The following DAB1 variants were observed in gnomAD, a reference collection of about 807,000 sequenced individuals.
DAB1 encodes the protein disabled homolog 1.
In DAB1, 15 loss-of-function variants were observed where a neutral mutation model predicts 64.6. That is an observed-to-expected ratio of 0.23 (90% CI 0.16 to 0.36). The LOEUF (loss-of-function observed/expected upper bound fraction) is 0.36. DAB1 is among the 10% of genes least tolerant of loss of function. The pLI is 1.00. For synonymous variants in DAB1, 235 were observed against 251.9 expected, an observed-to-expected ratio of 0.93 and a Z score of 0.64; for missense variants, 596 against 706.7, an observed-to-expected ratio of 0.84 and a Z score of 1.78.
intron 4 of DAB1, among the ~76,000 whole-genome samples, chr1:57,083,258 C>A (rs1232111990): frequency 1.3e-5 from 2 of 152,192 alleles, no homozygotes; most frequent in African/African-American, 4.8e-5. Flanking sequence ...TGGACTGCTG[C>A]CAGGTATGGC....
chr1:58,440,475 C>A (rs182010491), intron 3 of DAB1, among the ~76,000 whole-genome samples: 1 of 152,146 alleles, frequency 6.6e-6, no homozygotes, highest in African/African-American at 2.4e-5. Context: ...CTGGCCAAGG[C>A]AAAAATGGAA....
At chr1:57,037,816 G>A (rs1647226646) in intron 9 of DAB1, among the ~76,000 whole-genome samples, 1 of 152,160 alleles carries the variant, frequency 6.6e-6, no homozygotes, top group South Asian at 2.1e-4. Context: ...AAGGGCAAGT[G>A]GCTTGAGGTG....
At chr1:57,561,840 C>A (rs1372169319) in intron 7 of DAB1, among the ~76,000 whole-genome samples, 2 of 152,210 alleles carry the variant, frequency 1.3e-5, no homozygotes, top group African/African-American at 4.8e-5. Context: ...TGGCACCATT[C>A]CTTGCAGTGA....
chr1:57,063,923 C>T (rs779366234), intron 8 of DAB1, among the ~76,000 whole-genome samples: 3 of 152,178 alleles, frequency 2.0e-5, no homozygotes, highest in Non-Finnish European at 4.4e-5. Flanking sequence ...TTAGCTCACA[C>T]CCCCATTGCA....
At chr1:57,707,302 A>G (rs371400277) in intron 6 of DAB1, among the ~76,000 whole-genome samples, 3 of 151,988 alleles carry the variant, frequency 2.0e-5, no homozygotes, top group African/African-American at 7.3e-5. Context: ...TTTATCCATC[A>G]TAATGCTCTT....
chr1:57,876,843 G>A (rs1248142232), intron 1 of DAB1: 1 of 152,094 alleles, frequency 6.6e-6, no homozygotes, highest in Non-Finnish European at 1.5e-5. Flanking sequence ...CAAATTGCAG[G>A]TGAAGGTCAC....
At chr1:58,311,803 T>C (rs568115533) in intron 4 of DAB1, among the ~76,000 whole-genome samples, 1 of 152,272 alleles carries the variant, frequency 6.6e-6, no homozygotes, top group Non-Finnish European at 1.5e-5. Context: ...CACTTCTAAC[T>C]CTGTATTGAC....
intron 1 of DAB1, among the ~76,000 whole-genome samples, chr1:57,858,223 C>T (rs1313665572): frequency 6.6e-6 from 1 of 152,054 alleles, no homozygotes; most frequent in Non-Finnish European, 1.5e-5. Flanking sequence ...TCTAAGAGAA[C>T]CTTAGTAATT....
At chr1:58,031,602 T>C (rs1646971328) in intron 5 of DAB1, among the ~76,000 whole-genome samples, 1 of 152,160 alleles carries the variant, frequency 6.6e-6, no homozygotes, top group Non-Finnish European at 1.5e-5. Flanking sequence ...ATTACACAAA[T>C]GCTTAAACCC....
chr1:57,575,219 A>G (rs1645236436), intron 7 of DAB1, among the ~76,000 whole-genome samples: 1 of 152,236 alleles, frequency 6.6e-6, no homozygotes, highest in Admixed American at 6.5e-5. Context: ...TCTATAAAAA[A>G]GACTCACAAA....
At chr1:58,015,012 A>G (rs1409316404) in intron 5 of DAB1, among the ~76,000 whole-genome samples, 2 of 152,218 alleles carry the variant, frequency 1.3e-5, no homozygotes, top group African/African-American at 2.4e-5. Flanking sequence ...CTGCTTTTTA[A>G]TCAGCAAAAC....
intron 4 of DAB1, among the ~76,000 whole-genome samples, chr1:58,185,523 G>C (rs1435381966): frequency 6.6e-6 from 1 of 152,146 alleles, no homozygotes; most frequent in Non-Finnish European, 1.5e-5. Flanking sequence ...ATAAGGTCTT[G>C]TTTCATGCTG....
At chr1:57,974,721 A>ATGTGG (rs1645877895) in intron 5 of DAB1, among the ~76,000 whole-genome samples, 1 of 152,146 alleles carries the variant, frequency 6.6e-6, no homozygotes, top group East Asian at 1.9e-4. Context: ...TGTCTTGCAC[A>ATGTGG]TATATCTTCC....
chr1:57,718,782 A>T (rs1647115595), intron 6 of DAB1, among the ~76,000 whole-genome samples: 1 of 152,216 alleles, frequency 6.6e-6, no homozygotes, highest in Non-Finnish European at 1.5e-5. Flanking sequence ...AATCTCCCAA[A>T]TTTTTTATAA....
chr1:58,412,286 T>C (rs1336957894), intron 3 of DAB1, among the ~76,000 whole-genome samples: 1 of 151,548 alleles, frequency 6.6e-6, no homozygotes, highest in Non-Finnish European at 1.5e-5. Flanking sequence ...TAATCTCACC[T>C]GAGCTCCTGG....
intron 5 of DAB1, among the ~76,000 whole-genome samples, chr1:58,058,807 C>T (rs1043655229): frequency 2.6e-5 from 4 of 152,176 alleles, no homozygotes; most frequent in African/African-American, 9.7e-5. Context: ...CTATGAAATC[C>T]TGGAGTTCCT....
chr1:57,950,122 T>G (rs1011681375), intron 5 of DAB1, among the ~76,000 whole-genome samples: 3 of 152,128 alleles, frequency 2.0e-5, no homozygotes, highest in Non-Finnish European at 2.9e-5. Context: ...AATTAAAGCA[T>G]CCCCATTCAG....
intron 4 of DAB1, among the ~76,000 whole-genome samples, chr1:57,091,022 C>A (rs571709409): frequency 6.6e-6 from 1 of 152,114 alleles, no homozygotes; most frequent in African/African-American, 2.4e-5. Context: ...CCTCACCCCG[C>A]CCCACCCCAA....
In DAB1 at chr1:57,114,851, G is replaced by C. The variant is rs563850502; in HGVS notation, c.306+21692C>G. ...GTCATGACAAGGACTTCTGAATTCA[G>C]ACCATCTGGGTTCCATTTCAGGCTC... On this transcript the variant is annotated intron_variant, in intron 4 of 14. Coordinates refer to ENST00000371236, the MANE Select transcript of DAB1 (RefSeq NM_001365792.1). 3.9e-5 allele frequency among the ~76,000 whole-genome samples: 6 copies of C among 152,302 alleles called. No homozygotes were observed. The East Asian group carries it at 1.2e-3, about 29-fold the overall frequency.
Sources: allele counts gnomAD v4.1 joint callset (sites outside exome capture counted in the v4.1 genomes callset), GRCh38; gene constraint gnomAD v4.1.1; transcripts MANE v1.5; gene names NCBI Gene and HGNC (gene_info 2026-07-23, HGNC 2026-07-21).